SLC9A9: variants seen among roughly 807,000 people sequenced by gnomAD.
SLC9A9 encodes sodium/hydrogen exchanger 9.
Under a neutral mutation model 77.8 loss-of-function variants are expected in SLC9A9, and 62 were observed. That is an observed-to-expected ratio of 0.80 (90% CI 0.65 to 0.98). SLC9A9 has a LOEUF of 0.98. SLC9A9 is among the 50% of genes least tolerant of loss of function. SLC9A9 has a pLI of 0.00. For synonymous variants in SLC9A9, 320 were observed against 283.5 expected (o/e 1.13, Z -1.29); for missense variants, 775 against 774.9 (o/e 1.00, Z 0.00).
At chr3:143,271,444 G>T (rs937898434) in intron 14 of SLC9A9, among the ~76,000 whole-genome samples, 5 of 152,126 alleles carry the variant, frequency 3.3e-5, no homozygotes, top group African/African-American at 1.2e-4. Flanking sequence ...ATGTAGAAAT[G>T]GTTTTAAACC....
At chr3:143,311,653 C>T (rs1415370005) in intron 14 of SLC9A9, among the ~76,000 whole-genome samples, 5 of 152,190 alleles carry the variant, frequency 3.3e-5, no homozygotes, top group Non-Finnish European at 5.9e-5. Context: ...GGTCTCATTA[C>T]ATAAAATAAC....
chr3:143,309,005 T>C (rs2030919731), intron 14 of SLC9A9, among the ~76,000 whole-genome samples: 1 of 152,194 alleles, frequency 6.6e-6, no homozygotes, highest in African/African-American at 2.4e-5. Context: ...CTAAGTCTAT[T>C]TCAGCCAACT....
chr3:143,440,115 G>A (rs1559916622), intron 12 of SLC9A9, among the ~76,000 whole-genome samples: 1 of 152,198 alleles, frequency 6.6e-6, no homozygotes, highest in African/African-American at 2.4e-5. Context: ...AGAGTGAATG[G>A]TGCAGAAAAC....
chr3:143,342,430 C>T (rs959875963), intron 14 of SLC9A9: 1 of 152,180 alleles, frequency 6.6e-6, no homozygotes, highest in African/African-American at 2.4e-5. Flanking sequence ...AGTGATCCAC[C>T]CTTATGACCA....
intron 9 of SLC9A9, among the ~76,000 whole-genome samples, chr3:143,523,528 T>C (rs2036353755): frequency 6.6e-6 from 1 of 152,154 alleles, no homozygotes; most frequent in Admixed American, 6.6e-5. Flanking sequence ...ATAAAGAAAG[T>C]GTTGAGGTGG....
At chr3:143,342,029 G>A (rs1056845682) in intron 14 of SLC9A9, among the ~76,000 whole-genome samples, 2 of 152,112 alleles carry the variant, frequency 1.3e-5, no homozygotes, top group African/African-American at 2.4e-5. Flanking sequence ...TGGGAATACC[G>A]CATCACAGTC....
intron 14 of SLC9A9, among the ~76,000 whole-genome samples, chr3:143,303,495 T>A (rs1422560430): frequency 6.6e-6 from 1 of 151,994 alleles, no homozygotes; most frequent in Non-Finnish European, 1.5e-5. Context: ...TGTTCTTGCA[T>A]GAGAGGCAGC....
At chr3:143,666,656 T>C (rs1054087686) in intron 5 of SLC9A9, among the ~76,000 whole-genome samples, 10 of 152,214 alleles carry the variant, frequency 6.6e-5, no homozygotes, top group African/African-American at 2.2e-4. Flanking sequence ...ACAAAATCAA[T>C]GTGCAAAAAT....
intron 12 of SLC9A9, among the ~76,000 whole-genome samples, chr3:143,386,512 G>T (rs987740467): frequency 6.6e-6 from 1 of 152,232 alleles, no homozygotes; most frequent in Non-Finnish European, 1.5e-5. Context: ...GATAATTAGA[G>T]AACTCATTTC....
In SLC9A9 at chr3:143,363,416, T is replaced by C. The variant is rs1191752038; in HGVS notation, c.1604+68A>G. The C allele has an allele frequency of 4.2e-6, 6 of 1,432,680 alleles. No individual in the cohort carries two copies. In the East Asian group the frequency reaches 1.1e-4, roughly 27 times the overall value. 88.7% of individuals were successfully genotyped at this position (1,432,680 alleles called of 1,614,324 possible). A position where few individuals can be genotyped will look rare whatever the true frequency, so the allele number is the denominator to read the frequency against. ...TGAAGAGCAGGAGTGCACACTTCAATGATTAAGAGCTTAAAGTAATTCTCT... is the reference window on the plus strand; with the variant it reads ...TGAAGAGCAGGAGTGCACACTTCAACGATTAAGAGCTTAAAGTAATTCTCT... On this transcript the variant is annotated intron_variant, in intron 14 of 15. Transcript: ENST00000316549.
intron 13 of SLC9A9, among the ~76,000 whole-genome samples, chr3:143,372,385 T>C (rs923552758): frequency 1.3e-5 from 2 of 151,574 alleles, no homozygotes; most frequent in African/African-American, 4.8e-5. Flanking sequence ...AATGGAATGG[T>C]CTAAATGGTG....
At chr3:143,482,110 T>A (rs116120588) in intron 11 of SLC9A9, among the ~76,000 whole-genome samples, 228 of 152,310 alleles carry the variant, frequency 1.5e-3, no homozygotes, top group African/African-American at 5.3e-3. Context: ...TTCCATGAGC[T>A]GCAGAACAGT....
chr3:143,379,483 G>A (rs78700317), intron 13 of SLC9A9, among the ~76,000 whole-genome samples: 103 of 152,288 alleles, frequency 6.8e-4, no homozygotes, highest in African/African-American at 2.2e-3. Context: ...TTTCTGAAAC[G>A]TAAGTTCTTT....
chr3:143,397,672 AAG>A (rs1374759053), intron 12 of SLC9A9, among the ~76,000 whole-genome samples: 1 of 152,092 alleles, frequency 6.6e-6, no homozygotes. Context: ...CTTGCCATTA[AAG>A]ACCATGCTTG....
rs888910076 is a variant in SLC9A9, at chr3:143,720,156, T to G, written c.534-26849A>C. Among the ~76,000 whole-genome samples the G allele has an allele frequency of 3.0e-4, 45 of 151,142 alleles. 1 individual carries two copies. The highest frequency in any genetic ancestry group is 1.1e-3 in the African/African-American group (44 of 41,112). ...ATATGAGATATTACATCTCACATCT[T>G]ATATAGTATATAAAGTAAATATATG... On this transcript the variant is annotated intron_variant, in intron 4 of 15. Coordinates refer to ENST00000316549, the MANE Select transcript of SLC9A9 (RefSeq NM_173653.4).
chr3:143,326,869 A>G (rs2031622257), intron 14 of SLC9A9, among the ~76,000 whole-genome samples: 2 of 152,226 alleles, frequency 1.3e-5, no homozygotes, highest in Admixed American at 1.3e-4. Flanking sequence ...TGTCAAATCA[A>G]TGAAGTGTTA....
chr3:143,622,507 G>C (rs1249605451), intron 6 of SLC9A9, among the ~76,000 whole-genome samples: 1 of 152,134 alleles, frequency 6.6e-6, no homozygotes, highest in Non-Finnish European at 1.5e-5. Context: ...TTCATATCCA[G>C]CCAAACTAAG....
At chr3:143,740,405 A>G (rs1165098024) in intron 4 of SLC9A9, among the ~76,000 whole-genome samples, 1 of 152,196 alleles carries the variant, frequency 6.6e-6, no homozygotes, top group Non-Finnish European at 1.5e-5. Context: ...AATTACAGCC[A>G]TTCCTCTGTT....
At chr3:143,501,837 T>C in intron 9 of SLC9A9, among the ~76,000 whole-genome samples, 1 of 150,834 alleles carries the variant, frequency 6.6e-6, no homozygotes, top group Middle Eastern at 3.2e-3. Context: ...TTGTTTCATA[T>C]GCCAAAATCT....
Sources: gnomAD v4.1 joint callset for allele counts (sites outside exome capture counted in the v4.1 genomes callset) on GRCh38, gnomAD v4.1.1 for gene constraint, MANE v1.5 for transcripts, NCBI Gene and HGNC (gene_info 2026-07-23, HGNC 2026-07-21) for gene names.